TRAF7: variants seen among roughly 807,000 people sequenced by gnomAD.
The protein encoded by TRAF7 is TNF receptor associated factor 7, also known as E3 ubiquitin-protein ligase TRAF7.
TRAF7 carries 45 observed loss-of-function variants against 89.3 expected under a neutral mutation model. That is an observed-to-expected ratio of 0.50 (90% CI 0.40 to 0.65). The LOEUF (loss-of-function observed/expected upper bound fraction) is 0.65. Among genes scored for constraint, TRAF7 ranks in the 30% least tolerant of loss-of-function variants. The pLI, the probability that TRAF7 is intolerant of heterozygous loss-of-function variation, is 0.00. For synonymous variants in TRAF7, 406 were observed against 369.2 expected, an observed-to-expected ratio of 1.10 and a Z score of -1.14; for missense variants, 677 against 918.1, an observed-to-expected ratio of 0.74 and a Z score of 3.39.
chr16:2,165,896 C>T lies in TRAF7; in HGVS notation c.99C>T (p.Thr33=), dbSNP rs747941888. ...DVTTGTRMET[T]FGPAFSAVTT... ...CCCTCTAGACCAGAATGGAAACGAC[C>T]TTCGGACCCGCCTTTTCAGCCGTCA... The change falls in exon 3 of 21, where the codon ACC becomes ACT. Residue 33 remains threonine (T), a synonymous_variant. Transcript: ENST00000326181. 22 of 1,614,116 alleles carry T rather than the reference C, an allele frequency of 1.4e-5. No homozygotes were observed. In the African/African-American group the frequency reaches 2.4e-4, roughly 18 times the overall value.
chr16:2,166,400 G>T (rs2093086784), intron 3 of TRAF7, among the ~76,000 whole-genome samples: 1 of 152,188 alleles, frequency 6.6e-6, no homozygotes, highest in Non-Finnish European at 1.5e-5. Context: ...GAGAGTGGAA[G>T]AGATCCATAA....
In TRAF7 at chr16:2,162,408, G is replaced by A. The variant is rs140137721; in HGVS notation, c.-38-1475G>A. Among the ~76,000 whole-genome samples the A allele has an allele frequency of 3.9e-5, 6 of 152,140 alleles. No individual in the cohort carries two copies. Among genetic ancestry groups the A allele is most frequent in the Non-Finnish European group, 8.8e-5 (6 of 68,000 alleles). The stretch of plus-strand genomic sequence containing the variant: ...GGGTGATGAGTGGCATCTTGAAGGC[G>A]CATGCAGGGCGGGCATGGCCAAAGG... On this transcript the variant is annotated intron_variant, in intron 1 of 20. Coordinates refer to ENST00000326181, the MANE Select transcript of TRAF7 (RefSeq NM_032271.3). This position sits in a 1 kb window ranked among gnomAD's most constrained non-coding sequence, Gnocchi z 5.0.
At chr16:2,173,674 G>A (rs1192938671) in intron 11 of TRAF7, 114 bp from the exon 12 acceptor site, 9 of 1,570,948 alleles carry the variant, frequency 5.7e-6, no homozygotes, top group Non-Finnish European at 7.0e-6. Flanking sequence ...GTGTGTGGCA[G>A]GGGCTGCTGT....
chr16:2,166,092 C>T, intron 3 of TRAF7, among the ~76,000 whole-genome samples, 156 bp downstream of exon 3: 1 of 152,246 alleles, frequency 6.6e-6, no homozygotes, highest in Admixed American at 6.5e-5. Flanking sequence ...TCCTCACAGC[C>T]TCTCAGCCCT....
rs781413009 is a variant in TRAF7, at chr16:2,172,445, C to T, written c.660-20C>T. ...CTCAGGGCTCTGGCTGAGGCCTCCC[C>T]GCATCCCGCCCTGGCACAGGGACCA... On this transcript the variant is annotated intron_variant, in intron 8 of 20. Coordinates refer to ENST00000326181, the MANE Select transcript of TRAF7 (RefSeq NM_032271.3). 2.1e-5 allele frequency: 34 copies of T among 1,610,342 alleles called. No individual in the cohort carries two copies. Among genetic ancestry groups the T allele is most frequent in the Admixed American group, 3.3e-5 (2 of 59,792 alleles).
Position 2,159,517 on chromosome 16 carries a change from A to G in TRAF7, c.-39+3659A>G, listed in dbSNP as rs1041748192. On this transcript the variant is annotated intron_variant, in intron 1 of 20. Transcript: ENST00000326181. The surrounding 1 kb of genome is among the most constrained non-coding windows in gnomAD (Gnocchi z 6.5). Reference sequence around the variant, plus strand: ...TGCTATGGCAACCAGGCCTGTTTCTATAGAATTTAGCGGCCTGGGCTTGGG... The same window carrying G: ...TGCTATGGCAACCAGGCCTGTTTCTGTAGAATTTAGCGGCCTGGGCTTGGG... 3.3e-5 allele frequency among the ~76,000 whole-genome samples: 5 copies of G among 152,154 alleles called. No homozygotes were observed. The highest frequency in any genetic ancestry group is 5.9e-5 in the Non-Finnish European group (4 of 67,998).
chr16:2,168,163 A>G lies in TRAF7; in HGVS notation c.226A>G (p.Ser76Gly), dbSNP rs748877379. The G allele has an allele frequency of 6.2e-7, 1 of 1,609,704 alleles. No homozygotes were observed. The highest frequency in any genetic ancestry group is 1.7e-5 in the Admixed American group (1 of 59,806). ...LAYSPRDEED[S>G]MPPISTPRRS... ...CTACTCCCCGCGGGACGAGGAGGAC[A>G]GCATGGTAGGTCCCTACCCCCAGGA... Residue 76 changes from serine (S) to glycine (G), a missense_variant, in exon 4 of 21, where the codon AGC (serine) becomes GGC (glycine). Ser to Gly is a moderately conservative substitution (Grantham distance 56, BLOSUM62 0). Transcript: ENST00000326181. This position sits in a 1 kb window ranked among gnomAD's most constrained non-coding sequence, Gnocchi z 4.1.
rs141624675 is a variant in TRAF7 at position 2,175,469 on chromosome 16, G to A, written c.1504-31G>A. The A allele has an allele frequency of 1.6e-4, 264 of 1,612,242 alleles. No individual in the cohort carries two copies. In the African/African-American group the frequency reaches 2.3e-3, roughly 14 times the overall value. On this transcript the variant is annotated intron_variant, in intron 16 of 20. Transcript: ENST00000326181. The stretch of plus-strand genomic sequence containing the variant: ...TGTGTCACTGAGGCGTCCCTTGCCC[G>A]CCCAGCCCACAGTTGCAGCAATCCC...
intron 6 of TRAF7, 61 bp from the exon 7 acceptor site, chr16:2,171,511 C>A: frequency 6.8e-6 from 11 of 1,610,060 alleles, no homozygotes; most frequent in Non-Finnish European, 9.3e-6. Context: ...GCTGCCATGG[C>A]CATGGACTAG....
chr16:2,172,460 C>T lies in TRAF7; in HGVS notation c.660-5C>T, dbSNP rs888344660. ...GAGGCCTCCCCGCATCCCGCCCTGG[C>T]ACAGGGACCACGAGGGCAGCTGTGA... On this transcript the variant is annotated splice_region_variant and splice_polypyrimidine_tract_variant and intron_variant, in intron 8 of 20. Transcript: ENST00000326181. The T allele has an allele frequency of 3.1e-6, 5 of 1,610,368 alleles. No individual in the cohort carries two copies. Among genetic ancestry groups the T allele is most frequent in the Admixed American group, 1.7e-5 (1 of 59,824 alleles).
rs201298307 is a variant in TRAF7, at chr16:2,175,965, G to A, written c.1746+12G>A. The A allele has an allele frequency of 6.2e-7, 1 of 1,612,978 alleles. No homozygotes were observed. Among genetic ancestry groups the A allele is most frequent in the East Asian group, 2.2e-5 (1 of 44,880 alleles). Reference sequence around the variant, plus strand: ...AGAACCTCATCCACGTAAGGCCTGGGCATCTGGGTGCAAGGCCAGACTGTG... The same window carrying A: ...AGAACCTCATCCACGTAAGGCCTGGACATCTGGGTGCAAGGCCAGACTGTG... On this transcript the variant is annotated intron_variant, in intron 18 of 20. Coordinates refer to ENST00000326181, the MANE Select transcript of TRAF7 (RefSeq NM_032271.3).
chr16:2,167,320 CTCTCGAGGCCTCAA>C (rs144651490), intron 3 of TRAF7, among the ~76,000 whole-genome samples: 6,447 of 152,316 alleles, frequency 0.042, 204 homozygotes, highest in Non-Finnish European at 0.056. Context: ...ACACGGCAGC[CTCTCGAGGCCTCAA>C]TCTCGAGCCC....
intron 14 of TRAF7, 49 bp from the exon 15 acceptor site, chr16:2,175,062 G>A: frequency 6.2e-7 from 1 of 1,612,652 alleles, no homozygotes; most frequent in Non-Finnish European, 8.5e-7. Flanking sequence ...GGCGGTGTCA[G>A]CATGGACACA....
chr16:2,167,159 C>T (rs1356822820), intron 3 of TRAF7, among the ~76,000 whole-genome samples: 2 of 152,114 alleles, frequency 1.3e-5, no homozygotes, highest in Non-Finnish European at 2.9e-5. Flanking sequence ...CCCATGGCCC[C>T]TGTCACACGG....
intron 1 of TRAF7, among the ~76,000 whole-genome samples, chr16:2,160,402 A>C (rs2093052797): frequency 6.6e-6 from 1 of 150,694 alleles, no homozygotes; most frequent in Non-Finnish European, 1.5e-5. Flanking sequence ...AGCATCCAGC[A>C]TGGGCAGTGT....
At chr16:2,165,324 T>C (rs1294556828) in intron 2 of TRAF7, among the ~76,000 whole-genome samples, 295 of 57,628 alleles carry the variant, frequency 5.1e-3, no homozygotes, top group Middle Eastern at 0.017. Flanking sequence ...GTGAGTGCTG[T>C]GTGGCGCGGC....
chr16:2,173,115 G>T, intron 9 of TRAF7, 67 bp from the exon 10 acceptor site: 1 of 1,461,942 alleles, frequency 6.8e-7, no homozygotes, highest in Non-Finnish European at 9.4e-7. Flanking sequence ...GCATTTGAGG[G>T]GGATTCTTGG....
At chr16:2,171,642 G>A (rs531694686) in intron 7 of TRAF7, 37 bp downstream of exon 7, 39 of 1,612,806 alleles carry the variant, frequency 2.4e-5, no homozygotes, top group South Asian at 1.9e-4. Context: ...GACGCCGACC[G>A]TGCCCATGGC....
rs747857491 is a variant in TRAF7, at chr16:2,171,604, A to T, written c.474A>T (p.Ser158=). The change falls in exon 7 of 21, where the codon TCA becomes TCT. Residue 158 remains serine (S), a splice_region_variant and synonymous_variant. Coordinates refer to ENST00000326181, the MANE Select transcript of TRAF7 (RefSeq NM_032271.3). ...TCTGTAGGAGATGCGCCTTGAAGTCAGGTAGGTTTGTGCCCCGGCCCAGGC... is the reference window on the plus strand; with the variant it reads ...TCTGTAGGAGATGCGCCTTGAAGTCTGGTAGGTTTGTGCCCCGGCCCAGGC... ...HTFCRRCALK[S]EKCPVDNVKL... 6 of 1,613,118 alleles carry T rather than the reference A, an allele frequency of 3.7e-6. No individual in the cohort carries two copies. Among genetic ancestry groups the T allele is most frequent in the Non-Finnish European group, 5.1e-6 (6 of 1,179,898 alleles).
Sources: allele counts gnomAD v4.1 joint callset (sites outside exome capture counted in the v4.1 genomes callset), GRCh38; gene constraint gnomAD v4.1.1; non-coding constraint Gnocchi (gnomAD v3.1); transcripts MANE v1.5; gene names NCBI Gene and HGNC (gene_info 2026-07-23, HGNC 2026-07-21).